Variants in SOX5 observed in about 807,000 individuals in gnomAD.
SOX5 encodes SRY-box transcription factor 5.
SOX5 carries 9 observed loss-of-function variants against 92.0 expected under a neutral mutation model. The ratio of observed to expected loss-of-function variants is 0.10; its 90% CI spans 0.06 to 0.17. The LOEUF (loss-of-function observed/expected upper bound fraction) is 0.17, where lower values mean the gene tolerates loss of function less well. Among genes scored for constraint, SOX5 ranks in the 10% least tolerant of loss-of-function variants. The pLI is 1.00. For missense variants in SOX5, 642 were observed against 944.5 expected, an observed-to-expected ratio of 0.68 and a Z score of 4.20; for synonymous variants, 344 against 336.3, an observed-to-expected ratio of 1.02 and a Z score of -0.25.
chr12:23,940,564 C>G (rs1454674317), intron 1 of SOX5, among the ~76,000 whole-genome samples: 1 of 151,202 alleles, frequency 6.6e-6, no homozygotes, highest in Non-Finnish European at 1.5e-5. Flanking sequence ...TTTACAGATG[C>G]ATACTCTTAA....
At chr12:23,682,376 A>T (rs1042845930) in intron 6 of SOX5, among the ~76,000 whole-genome samples, 3 of 151,806 alleles carry the variant, frequency 2.0e-5, no homozygotes, top group African/African-American at 7.2e-5. Context: ...TGAAACATTT[A>T]CTTGTGAATT....
At chr12:23,947,481 G>T (rs544844987) in intron 1 of SOX5, among the ~76,000 whole-genome samples, 1 of 151,778 alleles carries the variant, frequency 6.6e-6, no homozygotes, top group Non-Finnish European at 1.5e-5. Flanking sequence ...ACACTCACCC[G>T]TACAAATTCA....
intron 4 of SOX5, among the ~76,000 whole-genome samples, chr12:24,035,008 T>A (rs1437374539): frequency 6.6e-6 from 1 of 152,084 alleles, no homozygotes; most frequent in African/African-American, 2.4e-5. Context: ...CCTGACAATG[T>A]GAGCTCAAAG....
chr12:24,202,105 T>C (rs540066296), intron 4 of SOX5, among the ~76,000 whole-genome samples: 1 of 152,214 alleles, frequency 6.6e-6, no homozygotes, highest in Non-Finnish European at 1.5e-5. Context: ...TATTGGCAAA[T>C]AGACTAGCAA....
At chr12:24,407,710 C>G (rs910867272) in intron 1 of SOX5, 1 of 152,110 alleles carries the variant, frequency 6.6e-6, no homozygotes, top group East Asian at 1.9e-4. Context: ...ATATATACTA[C>G]TATAGAAGCC....
At chr12:23,618,733 C>CA in intron 8 of SOX5, among the ~76,000 whole-genome samples, 1 of 152,262 alleles carries the variant, frequency 6.6e-6, no homozygotes, top group East Asian at 1.9e-4. Context: ...AAAGGTTAAA[C>CA]AACTGGTAGT....
Position 23,640,839 on chromosome 12 carries a change from T to G in SOX5, c.990A>C (p.Thr330=). The change falls in exon 8 of 15, where the codon ACA becomes ACC. Residue 330 remains threonine, a synonymous_variant. Transcript: ENST00000451604. ...GCAGTTGGAGTGGGCCTAAGCCTGG[T>G]GTTGCTGCGGCAGCAGCTGCCATGG... ...PTTMAAAAAA[T]PGLGPLQLQQ... 1 of 1,614,004 alleles carries G rather than the reference T, an allele frequency of 6.2e-7. No individual in the cohort carries two copies.
chr12:23,868,248 C>T (rs149840479), intron 2 of SOX5, among the ~76,000 whole-genome samples: 25 of 152,150 alleles, frequency 1.6e-4, no homozygotes, highest in Admixed American at 8.5e-4. Flanking sequence ...GGCTCCACTT[C>T]GTATTTCTAG....
At chr12:24,304,069 G>A (rs959506384) in intron 2 of SOX5, among the ~76,000 whole-genome samples, 4 of 152,078 alleles carry the variant, frequency 2.6e-5, no homozygotes, top group Admixed American at 1.3e-4. Flanking sequence ...ATGTCAGAAC[G>A]TAACATAATG....
At chr12:24,551,401 G>A (rs1241063339) in intron 1 of SOX5, among the ~76,000 whole-genome samples, 1 of 152,196 alleles carries the variant, frequency 6.6e-6, no homozygotes, top group Non-Finnish European at 1.5e-5. Context: ...AGAATGTGCA[G>A]TTTTATGAAG....
intron 3 of SOX5, among the ~76,000 whole-genome samples, chr12:23,778,792 C>G (rs2141699584): frequency 6.6e-6 from 1 of 152,236 alleles, no homozygotes; most frequent in South Asian, 2.1e-4. Context: ...ATCATGTCTT[C>G]TTCTTCATAA....
At chr12:24,383,578 T>C (rs181461054) in intron 1 of SOX5, among the ~76,000 whole-genome samples, 5 of 152,206 alleles carry the variant, frequency 3.3e-5, no homozygotes, top group Non-Finnish European at 7.3e-5. Context: ...GACTTCTCCC[T>C]TTGTCCAGCA....
At chr12:23,791,307 T>C (rs1463684458) in intron 3 of SOX5, among the ~76,000 whole-genome samples, 1 of 152,220 alleles carries the variant, frequency 6.6e-6, no homozygotes, top group Admixed American at 6.5e-5. Flanking sequence ...TTTTTGTTTT[T>C]AGAAACAGAG....
At chr12:23,816,380 T>C (rs556827570) in intron 3 of SOX5, among the ~76,000 whole-genome samples, 1 of 152,062 alleles carries the variant, frequency 6.6e-6, no homozygotes, top group Non-Finnish European at 1.5e-5. Context: ...CGGCTAATTT[T>C]TTTGTATTTT....
intron 1 of SOX5, among the ~76,000 whole-genome samples, chr12:23,922,675 CTA>C (rs1177029361): frequency 7.9e-5 from 12 of 152,168 alleles, no homozygotes; most frequent in Non-Finnish European, 1.6e-4. Flanking sequence ...CATATATATC[CTA>C]TGTTAAAAAT....
rs142963842 is a variant in SOX5 at position 23,600,075 on chromosome 12, C to T, written c.1164+4312G>A. Among the ~76,000 whole-genome samples the T allele has an allele frequency of 9.8e-3, 1,489 of 152,192 alleles. 65 individuals carry two copies. Among genetic ancestry groups the T allele is most frequent in the Admixed American group, 0.081 (1,238 of 15,290 alleles). On this transcript the variant is annotated intron_variant, in intron 9 of 14. Coordinates refer to ENST00000451604, the MANE Select transcript of SOX5 (RefSeq NM_006940.6). Reference sequence around the variant, plus strand: ...TTAAAACATTTGTTAAGGCCATAAGCAGACTCAAAGCAACATTATTGTATA... The same window carrying T: ...TTAAAACATTTGTTAAGGCCATAAGTAGACTCAAAGCAACATTATTGTATA...
chr12:24,125,209 A>G (rs899634321), intron 4 of SOX5, among the ~76,000 whole-genome samples: 2 of 152,208 alleles, frequency 1.3e-5, no homozygotes, highest in Non-Finnish European at 2.9e-5. Flanking sequence ...GAGCAATTTC[A>G]TGAAGGATAT....
intron 9 of SOX5, among the ~76,000 whole-genome samples, chr12:23,597,099 C>T (rs1249826471): frequency 2.0e-5 from 3 of 152,176 alleles, no homozygotes; most frequent in South Asian, 4.1e-4. Context: ...TCTGCACATG[C>T]TCCACATCCT....
intron 1 of SOX5, among the ~76,000 whole-genome samples, chr12:24,558,553 TC>T (rs983241245): frequency 3.3e-5 from 5 of 152,274 alleles, no homozygotes; most frequent in Non-Finnish European, 7.4e-5. Context: ...ACTCCATTTC[TC>T]CCCTCTTAAA....
Sources: allele counts gnomAD v4.1 joint callset (sites outside exome capture counted in the v4.1 genomes callset), GRCh38; gene constraint gnomAD v4.1.1; transcripts MANE v1.5; gene names NCBI Gene and HGNC (gene_info 2026-07-23, HGNC 2026-07-21).